SPON1: variants seen among roughly 807,000 people sequenced by gnomAD.
SPON1 encodes the protein spondin 1, also known as spondin-1.
SPON1 carries 52 observed loss-of-function variants against 111.7 expected under a neutral mutation model. The ratio of observed to expected loss-of-function variants is 0.47; its 90% CI spans 0.37 to 0.59. SPON1 has a LOEUF of 0.59. Among genes scored for constraint, SPON1 ranks in the 20% least tolerant of loss-of-function variants. SPON1 has a pLI of 0.00. For synonymous variants in SPON1, 410 were observed against 395.8 expected (o/e 1.04, Z -0.43); for missense variants, 957 against 1,068.5 (o/e 0.90, Z 1.46).
chr11:14,241,949 G>C (rs1314941025), intron 6 of SPON1, among the ~76,000 whole-genome samples: 1 of 151,998 alleles, frequency 6.6e-6, no homozygotes, highest in Non-Finnish European at 1.5e-5. Flanking sequence ...AGCCTAGGAG[G>C]AGGCTGCAAG....
At chr11:14,175,208 A>C (rs1431594570) in intron 6 of SPON1, among the ~76,000 whole-genome samples, 1 of 152,218 alleles carries the variant, frequency 6.6e-6, no homozygotes, top group Non-Finnish European at 1.5e-5. Flanking sequence ...TCCCAGAAGG[A>C]GCCTAGAGAA....
At chr11:14,233,024 T>TCTGCTTG (rs1564936901) in intron 6 of SPON1, among the ~76,000 whole-genome samples, 1 of 151,640 alleles carries the variant, frequency 6.6e-6, no homozygotes, top group Non-Finnish European at 1.5e-5. Context: ...TAGTCTGCTT[T>TCTGCTTG]GCTCTCCCCC....
intron 5 of SPON1, among the ~76,000 whole-genome samples, chr11:14,122,590 T>A (rs1406223210): frequency 2.6e-5 from 4 of 152,250 alleles, no homozygotes; most frequent in African/African-American, 9.6e-5. Context: ...TAGTTCATTT[T>A]TTTCAGCCCA....
chr11:14,095,467 G>A (rs1406635805), intron 5 of SPON1, among the ~76,000 whole-genome samples: 6 of 150,886 alleles, frequency 4.0e-5, no homozygotes, highest in Non-Finnish European at 8.9e-5. Context: ...TTTTTTTTGA[G>A]GAATTGGCTC....
chr11:14,167,701 A>G (rs1322270990), intron 6 of SPON1, among the ~76,000 whole-genome samples: 2 of 152,204 alleles, frequency 1.3e-5, no homozygotes, highest in Non-Finnish European at 2.9e-5. Context: ...ACACTTTACA[A>G]TTTTCCATCA....
intron 6 of SPON1, among the ~76,000 whole-genome samples, chr11:14,205,798 A>C (rs949272201): frequency 5.3e-5 from 8 of 152,176 alleles, no homozygotes; most frequent in Non-Finnish European, 1.0e-4. Context: ...GCCTGAATGG[A>C]AAGGAAGTGG....
At chr11:13,976,777 C>G (rs4757217) in intron 1 of SPON1, among the ~76,000 whole-genome samples, 49,321 of 151,966 alleles carry the variant, frequency 0.32, 8,072 homozygotes, top group South Asian at 0.35. Flanking sequence ...ACTCATGTAA[C>G]CAGCACCCAG....
chr11:14,092,100 C>T (rs1371212060), intron 5 of SPON1, among the ~76,000 whole-genome samples: 1 of 152,232 alleles, frequency 6.6e-6, no homozygotes, highest in African/African-American at 2.4e-5. Flanking sequence ...TTGCTGTGAG[C>T]TGCAGACCAG....
chr11:14,091,115 C>G (rs1849051885), intron 5 of SPON1, among the ~76,000 whole-genome samples: 1 of 152,114 alleles, frequency 6.6e-6, no homozygotes, highest in African/African-American at 2.4e-5. Flanking sequence ...TCTCCAAAGC[C>G]CCACCAGAGC....
chr11:14,167,067 G>A (rs1320773795), intron 6 of SPON1, among the ~76,000 whole-genome samples: 2 of 151,976 alleles, frequency 1.3e-5, no homozygotes, highest in African/African-American at 2.4e-5. Context: ...CATATATTAA[G>A]TCATATTACA....
chr11:13,978,381 C>T (rs1554909226), intron 1 of SPON1, among the ~76,000 whole-genome samples: 1 of 152,180 alleles, frequency 6.6e-6, no homozygotes, highest in East Asian at 1.9e-4. Flanking sequence ...AGTCTAGGAA[C>T]ACTCAAGTAA....
intron 13 of SPON1, 87 bp from the exon 14 acceptor site, chr11:14,260,501 G>C: frequency 1.4e-6 from 2 of 1,425,332 alleles, no homozygotes; most frequent in African/African-American, 1.4e-5. Context: ...CAAAGCAGGG[G>C]ACTCGGTGTG....
rs1848764087 is a variant in SPON1, at chr11:14,228,542, G to C, written c.826-14790G>C. 1.3e-5 allele frequency among the ~76,000 whole-genome samples: 2 copies of C among 152,326 alleles called. No homozygotes were observed. The highest frequency in any genetic ancestry group is 4.1e-4 in the South Asian group (2 of 4,826). On this transcript the variant is annotated intron_variant, in intron 6 of 15. Transcript: ENST00000576479. This position sits in a 1 kb window ranked among gnomAD's most constrained non-coding sequence, Gnocchi z 4.2. Reference sequence around the variant, plus strand: ...CTGGGCTGGGTGGCTCTTCAGAGTTGTCCTGCCTTGGGGACAAGAGCACTG... The same window carrying C: ...CTGGGCTGGGTGGCTCTTCAGAGTTCTCCTGCCTTGGGGACAAGAGCACTG...
chr11:14,041,831 T>A (rs1848633855), intron 3 of SPON1, among the ~76,000 whole-genome samples, 177 bp downstream of exon 3: 1 of 152,150 alleles, frequency 6.6e-6, no homozygotes, highest in Non-Finnish European at 1.5e-5. Context: ...CCATAAAGAT[T>A]CATTTGCTAG....
At chr11:14,199,818 G>T (rs371919713) in intron 6 of SPON1, among the ~76,000 whole-genome samples, 1 of 152,194 alleles carries the variant, frequency 6.6e-6, no homozygotes, top group Non-Finnish European at 1.5e-5. Flanking sequence ...CAAGCCCTCA[G>T]TGGGGAACCC....
intron 3 of SPON1, among the ~76,000 whole-genome samples, chr11:14,054,192 A>C (rs1308843691): frequency 6.6e-6 from 1 of 152,218 alleles, no homozygotes; most frequent in Non-Finnish European, 1.5e-5. Flanking sequence ...CATATTTAAC[A>C]GTCCCTGGAA....
intron 2 of SPON1, among the ~76,000 whole-genome samples, chr11:14,016,528 G>C (rs1848445248): frequency 6.6e-6 from 1 of 152,086 alleles, no homozygotes; most frequent in Admixed American, 6.5e-5. Flanking sequence ...GCAGTCAACT[G>C]AACATACTAT....
At chr11:14,146,981 A>G (rs2133866286) in intron 6 of SPON1, among the ~76,000 whole-genome samples, 1 of 151,640 alleles carries the variant, frequency 6.6e-6, no homozygotes, top group Non-Finnish European at 1.5e-5. Context: ...TTTTTAAATG[A>G]AAACATAAAA....
intron 5 of SPON1, among the ~76,000 whole-genome samples, chr11:14,116,535 C>T (rs1371261777): frequency 6.6e-6 from 1 of 152,098 alleles, no homozygotes; most frequent in African/African-American, 2.4e-5. Flanking sequence ...AGTGACTGTA[C>T]ATCTGTGGGT....
Sources: allele counts gnomAD v4.1 joint callset (sites outside exome capture counted in the v4.1 genomes callset), GRCh38; gene constraint gnomAD v4.1.1; non-coding constraint Gnocchi (gnomAD v3.1); transcripts MANE v1.5; gene names NCBI Gene and HGNC (gene_info 2026-07-23, HGNC 2026-07-21).